The following HSD17B2 variants were observed in gnomAD, a reference collection of about 807,000 sequenced individuals.
The protein encoded by HSD17B2 is hydroxysteroid 17-beta dehydrogenase 2.
Under a neutral mutation model 26.9 loss-of-function variants are expected in HSD17B2, and 32 were observed. The ratio of observed to expected loss-of-function variants is 1.19; its 90% confidence interval spans 0.90 to 1.60. The LOEUF (loss-of-function observed/expected upper bound fraction) is 1.60, where lower values mean the gene tolerates loss of function less well. Ranked by LOEUF, HSD17B2 falls within the 40% of genes most tolerant of loss-of-function variation. The pLI is 0.00. For missense variants in HSD17B2, 613 were observed against 468.6 expected (o/e 1.31, Z -2.85); for synonymous variants, 246 against 186.7 (o/e 1.32, Z -2.59).
At chr16:82,054,043 C>T (rs1259675121) in intron 1 of HSD17B2, among the ~76,000 whole-genome samples, 1 of 151,998 alleles carries the variant, frequency 6.6e-6, no homozygotes, top group African/African-American at 2.4e-5. Context: ...TCTATCCATG[C>T]CTTCAACAGC....
rs774022930 is a variant in HSD17B2, at chr16:82,070,986, A to T, written c.523A>T (p.Thr175Ser). Residue 175 changes from threonine (T) to serine (S), a missense_variant, in exon 3 of 5, where the codon ACT (threonine) becomes TCT (serine). Coordinates refer to ENST00000199936, the MANE Select transcript of HSD17B2 (RefSeq NM_002153.3). ...INNAGVLGFP[T>S]DGELLLMTDY... ...CAATGCTGGGGTGCTTGGCTTTCCA[A>T]CTGATGGGGAGCTTCTTCTTATGAC... is the stretch of plus-strand genomic sequence containing the variant. 6 of 1,614,178 alleles carry T rather than the reference A, an allele frequency of 3.7e-6. No individual in the cohort carries two copies. The Admixed American group carries it at 1.0e-4, about 27-fold the overall frequency.
In HSD17B2 at chr16:82,068,294, G is replaced by T; in HGVS notation, c.390G>T (p.Pro130=). 1 of 1,614,068 alleles carries T rather than the reference G, an allele frequency of 6.2e-7. No homozygotes were observed. The highest frequency in any genetic ancestry group is 8.5e-7 in the Non-Finnish European group (1 of 1,180,014). Residue 130 remains proline, a synonymous_variant, in exon 2 of 5, where the codon CCG becomes CCT. Coordinates refer to ENST00000199936, the MANE Select transcript of HSD17B2 (RefSeq NM_002153.3). The part of the protein sequence containing the change: ...GAEELRRTCS[P]RLSVLQMDIT... Reference sequence around the variant, plus strand: ...AGGAATTGCGAAGAACCTGCTCTCCGCGCCTCTCGGTGCTCCAAATGGACA... The same window carrying T: ...AGGAATTGCGAAGAACCTGCTCTCCTCGCCTCTCGGTGCTCCAAATGGACA...
chr16:82,044,391 T>G (rs1040261549), intron 1 of HSD17B2: 4 of 152,198 alleles, frequency 2.6e-5, no homozygotes, highest in African/African-American at 7.2e-5. Context: ...CTTAGGCATG[T>G]GGTAATAACG....
At chr16:82,062,643 G>C (rs909070263) in intron 1 of HSD17B2, among the ~76,000 whole-genome samples, 5 of 152,198 alleles carry the variant, frequency 3.3e-5, no homozygotes, top group Non-Finnish European at 5.9e-5. Flanking sequence ...ATGGGTGATG[G>C]TAACATTACT....
chr16:82,048,276 G>C (rs1913998547), intron 1 of HSD17B2, among the ~76,000 whole-genome samples: 1 of 152,192 alleles, frequency 6.6e-6, no homozygotes, highest in African/African-American at 2.4e-5. Context: ...GACCTGGGTG[G>C]TGTAGGGTTC....
intron 3 of HSD17B2, among the ~76,000 whole-genome samples, chr16:82,089,604 C>T (rs572977255): frequency 1.7e-4 from 26 of 152,234 alleles, no homozygotes; most frequent in Middle Eastern, 6.8e-3. Context: ...TTTTTTCTTT[C>T]GTAGTTCTGG....
intron 3 of HSD17B2, among the ~76,000 whole-genome samples, chr16:82,076,181 C>T (rs1904300209): frequency 6.6e-6 from 1 of 151,926 alleles, no homozygotes; most frequent in Admixed American, 6.6e-5. Flanking sequence ...AATTCAACAT[C>T]CCTTTATGAT....
At chr16:82,072,362 C>T (rs946267282) in intron 3 of HSD17B2, among the ~76,000 whole-genome samples, 2 of 152,222 alleles carry the variant, frequency 1.3e-5, no homozygotes, top group African/African-American at 4.8e-5. Flanking sequence ...TGAGAAAACA[C>T]ACAGCAATAT....
intron 1 of HSD17B2, among the ~76,000 whole-genome samples, chr16:82,038,957 G>C (rs1251163034): frequency 3.9e-5 from 6 of 152,092 alleles, no homozygotes; most frequent in Non-Finnish European, 7.4e-5. Context: ...AGTCACCCCT[G>C]TTCCCCCTTG....
At chr16:82,076,055 G>A (rs911314487) in intron 3 of HSD17B2, among the ~76,000 whole-genome samples, 1 of 152,106 alleles carries the variant, frequency 6.6e-6, no homozygotes, top group Non-Finnish European at 1.5e-5. Flanking sequence ...TTATCCTATG[G>A]ATGCAGGGAT....
intron 1 of HSD17B2, among the ~76,000 whole-genome samples, chr16:82,045,659 CT>C (rs1567577931): frequency 1.3e-5 from 2 of 152,208 alleles, no homozygotes; most frequent in Non-Finnish European, 2.9e-5. Context: ...CTCCTTTGTT[CT>C]TTTGCACTCT....
chr16:82,062,437 C>T (rs142642344), intron 1 of HSD17B2, among the ~76,000 whole-genome samples: 2 of 152,336 alleles, frequency 1.3e-5, no homozygotes, highest in African/African-American at 4.8e-5. Context: ...TATTCTAGTG[C>T]CCTCTTCAAT....
At chr16:82,055,091 T>C (rs1300465161) in intron 1 of HSD17B2, among the ~76,000 whole-genome samples, 1 of 152,238 alleles carries the variant, frequency 6.6e-6, no homozygotes, top group Non-Finnish European at 1.5e-5. Flanking sequence ...CCAGACATTG[T>C]CAAATGTTCC....
intron 3 of HSD17B2, among the ~76,000 whole-genome samples, chr16:82,076,873 G>A (rs946201336): frequency 1.3e-5 from 2 of 152,120 alleles, no homozygotes; most frequent in African/African-American, 4.8e-5. Context: ...TATGCCAATA[G>A]CAAACAATCA....
Position 82,098,306 on chromosome 16 carries a change from A to C in HSD17B2, c.1034A>C (p.Tyr345Ser). 1 of 1,614,190 alleles carries C rather than the reference A, an allele frequency of 6.2e-7. No individual in the cohort carries two copies. The highest frequency in any genetic ancestry group is 8.5e-7 in the Non-Finnish European group (1 of 1,180,018). Reference protein sequence around the residue: ...FAYYTPGKGAYLWICLAHYLP... With the variant: ...FAYYTPGKGASLWICLAHYLP... Reference sequence around the variant, plus strand: ...TATTACACGCCAGGGAAAGGCGCTTACTTGTGGATCTGCCTTGCTCACTAT... The same window carrying C: ...TATTACACGCCAGGGAAAGGCGCTTCCTTGTGGATCTGCCTTGCTCACTAT... Residue 345 changes from tyrosine to serine, a missense_variant, in exon 5 of 5, where the codon TAC (tyrosine) becomes TCC (serine). By Grantham distance (144) the Tyr-to-Ser change is moderately radical. Transcript: ENST00000199936.
At chr16:82,096,285 G>C (rs999267851) in intron 4 of HSD17B2, 19 of 152,084 alleles carry the variant, frequency 1.2e-4, no homozygotes, top group Admixed American at 1.2e-3. Flanking sequence ...GCAGTGGTGC[G>C]ATCTCAGCTC....
chr16:82,040,499 C>G (rs1246278260), intron 1 of HSD17B2, among the ~76,000 whole-genome samples: 1 of 152,238 alleles, frequency 6.6e-6, no homozygotes, highest in African/African-American at 2.4e-5. Context: ...AGATCCATCT[C>G]TCACCAAAAG....
intron 1 of HSD17B2, among the ~76,000 whole-genome samples, chr16:82,036,320 T>TTGTGTGTG (rs10609893): frequency 1.0e-3 from 150 of 145,874 alleles, no homozygotes; most frequent in African/African-American, 2.2e-3. Context: ...TTTCCCTTGT[T>TTGTGTGTG]TGTGTGTGTG....
Position 82,082,246 on chromosome 16 carries a change from A to T in HSD17B2, c.665-8656A>T, listed in dbSNP as rs532574433. Reference sequence around the variant, plus strand: ...GGCAGAATTTCCACACCTTCTCCTGACCTTCTATCTGCTTGTCCAGCCTCA... The same window carrying T: ...GGCAGAATTTCCACACCTTCTCCTGTCCTTCTATCTGCTTGTCCAGCCTCA... On this transcript the variant is annotated intron_variant, in intron 3 of 4. Transcript: ENST00000199936. Among the ~76,000 whole-genome samples the T allele has an allele frequency of 7.2e-5, 11 of 151,902 alleles. No individual in the cohort carries two copies. In the South Asian group the frequency reaches 2.3e-3, roughly 32 times the overall value.
Sources: gnomAD v4.1 joint callset for allele counts (sites outside exome capture counted in the v4.1 genomes callset) on GRCh38, gnomAD v4.1.1 for gene constraint, MANE v1.5 for transcripts, NCBI Gene and HGNC (gene_info 2026-07-23, HGNC 2026-07-21) for gene names.